Variants in PRKG1 observed in about 807,000 individuals in gnomAD.
The protein encoded by PRKG1 is protein kinase cGMP-dependent 1, also known as cGMP-dependent protein kinase 1.
In PRKG1, 35 loss-of-function variants were observed where a neutral mutation model predicts 88.1. That is an observed-to-expected ratio of 0.40 (90% CI 0.30 to 0.53). The LOEUF is 0.53. Among genes scored for constraint, PRKG1 ranks in the 20% least tolerant of loss-of-function variants. The pLI is 0.59. For missense variants in PRKG1, 540 were observed against 839.8 expected, an observed-to-expected ratio of 0.64 and a Z score of 4.41; for synonymous variants, 303 against 292.5, an observed-to-expected ratio of 1.04 and a Z score of -0.37.
intron 5 of PRKG1, among the ~76,000 whole-genome samples, chr10:51,989,821 T>A (rs1272220037): frequency 6.6e-6 from 1 of 152,114 alleles, no homozygotes; most frequent in Non-Finnish European, 1.5e-5. Flanking sequence ...TGTAATCCCA[T>A]GTATTTATTT....
intron 3 of PRKG1, among the ~76,000 whole-genome samples, chr10:51,469,937 A>G (rs1840004081): frequency 6.6e-6 from 1 of 151,932 alleles, no homozygotes; most frequent in Non-Finnish European, 1.5e-5. Context: ...CAAATGTTTC[A>G]TAAGCACTAT....
chr10:52,126,292 A>C (rs1400491905), intron 7 of PRKG1, among the ~76,000 whole-genome samples: 1 of 152,120 alleles, frequency 6.6e-6, no homozygotes, highest in African/African-American at 2.4e-5. Flanking sequence ...AATATTTGTT[A>C]AAATAATTGC....
intron 3 of PRKG1, among the ~76,000 whole-genome samples, chr10:51,478,248 T>C (rs991546062): frequency 5.3e-5 from 8 of 152,084 alleles, no homozygotes; most frequent in Admixed American, 2.0e-4. Flanking sequence ...TTTTAAAAAG[T>C]ACTATTTCAG....
intron 2 of PRKG1, among the ~76,000 whole-genome samples, chr10:51,180,961 T>C (rs1371386291): frequency 6.6e-6 from 1 of 152,196 alleles, no homozygotes; most frequent in Non-Finnish European, 1.5e-5. Context: ...GATACATCTA[T>C]TTTATTATTT....
At chr10:51,627,354 G>C (rs899043958) in intron 3 of PRKG1, among the ~76,000 whole-genome samples, 2 of 152,152 alleles carry the variant, frequency 1.3e-5, no homozygotes, top group African/African-American at 4.8e-5. Context: ...CAATAAAGTG[G>C]AGACAGTGGA....
chr10:51,692,145 G>A (rs1221702055), intron 3 of PRKG1, among the ~76,000 whole-genome samples: 1 of 152,010 alleles, frequency 6.6e-6, no homozygotes, highest in Admixed American at 6.6e-5. Flanking sequence ...TCACTATATT[G>A]ATTAACATGA....
intron 4 of PRKG1, among the ~76,000 whole-genome samples, chr10:51,899,440 G>A (rs1181657729): frequency 6.6e-6 from 1 of 151,524 alleles, no homozygotes; most frequent in Non-Finnish European, 1.5e-5. Context: ...CGAGTAGGGT[G>A]GATCACTTGA....
At chr10:51,666,357 C>A (rs539940182) in intron 3 of PRKG1, among the ~76,000 whole-genome samples, 1 of 152,298 alleles carries the variant, frequency 6.6e-6, no homozygotes, top group African/African-American at 2.4e-5. Context: ...AGCAAACTTA[C>A]ATAAGGAGCA....
At chr10:51,452,887 T>C (rs764000316) in intron 2 of PRKG1, among the ~76,000 whole-genome samples, 2 of 152,068 alleles carry the variant, frequency 1.3e-5, no homozygotes, top group Non-Finnish European at 2.9e-5. Flanking sequence ...TCTTTGAATG[T>C]CTGATAGAAT....
intron 6 of PRKG1, 144 bp from the exon 7 acceptor site, chr10:52,062,393 T>G (rs572213435): frequency 2.0e-5 from 9 of 447,524 alleles, no homozygotes; most frequent in Non-Finnish European, 3.5e-5. Flanking sequence ...TGTTGTTCTT[T>G]GGTCCTTTTG....
chr10:51,529,017 A>ATTCTAAGAAAATTCTTAGAAT (rs1203691998), intron 3 of PRKG1, among the ~76,000 whole-genome samples: 11 of 152,288 alleles, frequency 7.2e-5, no homozygotes, highest in Admixed American at 7.2e-4. Context: ...GAACTTTCAA[A>ATTCTAAGAAAATTCTTAGAAT]TTCTAAGAAA....
intron 5 of PRKG1, among the ~76,000 whole-genome samples, chr10:51,980,580 T>C: frequency 6.6e-6 from 1 of 152,154 alleles, no homozygotes; most frequent in Non-Finnish European, 1.5e-5. Context: ...GTCAATGGGG[T>C]GTTAAAGTCT....
At chr10:51,272,337 T>G (rs1840002591) in intron 2 of PRKG1, among the ~76,000 whole-genome samples, 2 of 149,166 alleles carry the variant, frequency 1.3e-5, no homozygotes, top group South Asian at 4.2e-4. Flanking sequence ...GAGGGGAACA[T>G]CACACACTGG....
chr10:51,289,127 G>T (rs1840517521), intron 2 of PRKG1, among the ~76,000 whole-genome samples: 1 of 152,044 alleles, frequency 6.6e-6, no homozygotes, highest in Non-Finnish European at 1.5e-5. Context: ...TAGTACACTT[G>T]CACAGTCCAA....
intron 2 of PRKG1, among the ~76,000 whole-genome samples, chr10:51,377,138 C>A (rs1404122207): frequency 6.6e-6 from 1 of 151,454 alleles, no homozygotes; most frequent in African/African-American, 2.4e-5. Context: ...AAATCTTATT[C>A]TCAGTAGTCT....
At chr10:51,053,881 A>C (rs1417856701) in intron 1 of PRKG1, among the ~76,000 whole-genome samples, 1 of 151,698 alleles carries the variant, frequency 6.6e-6, no homozygotes, top group Non-Finnish European at 1.5e-5. Flanking sequence ...GACTCTTCTC[A>C]ACCTCTTGGT....
At chr10:51,742,770 C>G (rs1320567484) in intron 3 of PRKG1, among the ~76,000 whole-genome samples, 3 of 152,036 alleles carry the variant, frequency 2.0e-5, no homozygotes, top group Non-Finnish European at 2.9e-5. Context: ...GAGAAATCAA[C>G]TCTTTATGTG....
At chr10:51,553,693 T>A (rs1311581578) in intron 3 of PRKG1, among the ~76,000 whole-genome samples, 1 of 149,754 alleles carries the variant, frequency 6.7e-6, no homozygotes, top group East Asian at 1.9e-4. Flanking sequence ...TGGTTGTGAT[T>A]ATTATATACG....
chr10:51,188,945 G>T (rs1162351561), intron 2 of PRKG1, among the ~76,000 whole-genome samples: 2 of 151,966 alleles, frequency 1.3e-5, no homozygotes, highest in African/African-American at 4.8e-5. Flanking sequence ...CTGCAGTTTA[G>T]CTTATTAAGT....
Sources: gnomAD v4.1 joint callset for allele counts (sites outside exome capture counted in the v4.1 genomes callset) on GRCh38, gnomAD v4.1.1 for gene constraint, MANE v1.5 for transcripts, NCBI Gene and HGNC (gene_info 2026-07-23, HGNC 2026-07-21) for gene names.